The following CELA3B variants were observed in gnomAD, a reference collection of about 807,000 sequenced individuals.
CELA3B encodes the protein chymotrypsin like elastase 3B.
In CELA3B, 34 loss-of-function variants were observed where a neutral mutation model predicts 37.2. The observed-to-expected ratio is 0.91, with a 90% CI of 0.70 to 1.22. CELA3B has a LOEUF of 1.22. Ranked by LOEUF, CELA3B falls within the 50% of genes most tolerant of loss-of-function variation. The probability of loss-of-function intolerance (pLI) is 0.00; values close to 1 mark genes in which losing one functional copy is unlikely to be tolerated. For missense variants in CELA3B, 340 were observed against 363.1 expected (o/e 0.94, Z 0.52); for synonymous variants, 127 against 143.5 (o/e 0.89, Z 0.82).
intron 4 of CELA3B, among the ~76,000 whole-genome samples, chr1:21,995,940 C>T (rs908203326): frequency 1.3e-4 from 20 of 149,386 alleles, no homozygotes; most frequent in Non-Finnish European, 2.1e-4. Flanking sequence ...TCAGGCTGGG[C>T]GCAGTGGCTC....
chr1:21,978,286 G>A (rs557043924), intron 1 of CELA3B, 83 bp from the exon 2 acceptor site: 9 of 1,512,754 alleles, frequency 5.9e-6, no homozygotes, highest in Admixed American at 1.7e-5. Flanking sequence ...GCCACTTGAA[G>A]GCACGGCTTG....
At chr1:21,997,391 CAA>C (rs34063955) in intron 4 of CELA3B, among the ~76,000 whole-genome samples, 2 of 123,652 alleles carry the variant, frequency 1.6e-5, no homozygotes, top group Non-Finnish European at 1.6e-5. Context: ...AGACTCGTCT[CAA>C]AAAAAAAAAA....
At chr1:21,996,087 C>T (rs1644888998) in intron 4 of CELA3B, among the ~76,000 whole-genome samples, 1 of 151,166 alleles carries the variant, frequency 6.6e-6, no homozygotes, top group South Asian at 2.1e-4. Flanking sequence ...GTGGCACATG[C>T]CTGTAGTTCC....
exon 5 of CELA3B, chr1:21,998,165 C>T (rs764810802): frequency 3.4e-5 from 16 of 470,308 alleles, no homozygotes; most frequent in African/African-American, 1.0e-4. Flanking sequence ...TACAGGGCAA[C>T]AAGGCACCAG....
intron 2 of CELA3B, among the ~76,000 whole-genome samples, chr1:21,978,661 G>T (rs879838743): frequency 3.2e-4 from 48 of 151,462 alleles, no homozygotes; most frequent in East Asian, 1.6e-3. Flanking sequence ...CAACTTAAAA[G>T]TGGAATCGGG....
chr1:21,983,139 C>A (rs1358920791), intron 4 of CELA3B, among the ~76,000 whole-genome samples: 1 of 152,094 alleles, frequency 6.6e-6, no homozygotes, highest in Non-Finnish European at 1.5e-5. Flanking sequence ...CAGCTAAGGT[C>A]AGGAGTTCTA....
At chr1:21,996,076 G>T (rs758733234) in intron 4 of CELA3B, among the ~76,000 whole-genome samples, 6 of 151,116 alleles carry the variant, frequency 4.0e-5, no homozygotes, top group Non-Finnish European at 5.9e-5. Context: ...AGCCGGGCGT[G>T]GTGGCACATG....
chr1:21,978,444 G>A lies in CELA3B; in HGVS notation c.119G>A (p.Trp40Ter). 1 of 1,614,086 alleles carries A rather than the reference G, an allele frequency of 6.2e-7. No individual in the cohort carries two copies. Among genetic ancestry groups the A allele is most frequent in the Non-Finnish European group, 8.5e-7 (1 of 1,179,954 alleles). ...GGTGAGGATGCGGTCCCCTACAGCT[G>A]GCCCTGGCAGGTAAGAGCAATAGCA... Reference protein sequence around the residue: ...VNGEDAVPYSWPWQVSLQYEK... With the variant: ...VNGEDAVPYS Residue 40 changes from tryptophan (W) to a stop codon, truncating the protein, a stop_gained, in exon 2 of 8, where the codon TGG (tryptophan) becomes TAG (stop). Coordinates refer to ENST00000337107, the MANE Select transcript of CELA3B (RefSeq NM_007352.4). LOFTEE classifies it high-confidence loss of function.
chr1:21,982,674 T>G (rs1020788370), intron 4 of CELA3B, among the ~76,000 whole-genome samples: 5 of 151,802 alleles, frequency 3.3e-5, no homozygotes, highest in African/African-American at 1.2e-4. Context: ...AGTCTGTTTT[T>G]GTTTTGTTTT....
At chr1:21,988,614 G>A (rs12126775) in intron 7 of CELA3B, among the ~76,000 whole-genome samples, 5,130 of 141,688 alleles carry the variant, frequency 0.036, 3 homozygotes, top group African/African-American at 0.1. Flanking sequence ...AAAAAAAGCC[G>A]GGCATGGTGG....
At chr1:21,978,329 G>T (rs772540447) in intron 1 of CELA3B, 40 bp from the exon 2 acceptor site, 6 of 1,611,808 alleles carry the variant, frequency 3.7e-6, no homozygotes, top group South Asian at 3.3e-5. Flanking sequence ...TTGCTTTTGG[G>T]GACCCTCCCG....
In CELA3B at chr1:21,983,739, A is replaced by G. The variant is rs1255123303; in HGVS notation, c.408A>G (p.Gly136=). ...AGCTCTCACGCAGCGCCCAGCTGGG[A>G]GACGCCGTCCAGCTCGCCTCACTCC... ...LIKLSRSAQL[G]DAVQLASLPP... is the part of the protein sequence containing the mutation. The change falls in exon 5 of 8, where the codon GGA becomes GGG. Residue 136 remains glycine, a synonymous_variant. Coordinates refer to ENST00000337107, the MANE Select transcript of CELA3B (RefSeq NM_007352.4). 3 of 1,614,026 alleles carry G rather than the reference A, an allele frequency of 1.9e-6. No homozygotes were observed. The highest frequency in any genetic ancestry group is 2.5e-6 in the Non-Finnish European group (3 of 1,180,004).
At chr1:21,981,779 A>G (rs968866028) in intron 4 of CELA3B, among the ~76,000 whole-genome samples, 14 of 151,064 alleles carry the variant, frequency 9.3e-5, no homozygotes, top group Admixed American at 3.3e-4. Flanking sequence ...AGGCTGGAGT[A>G]CAGTGGCACG....
intron 5 of CELA3B, 48 bp from the exon 6 acceptor site, chr1:21,984,141 T>A (rs1178679293): frequency 6.3e-7 from 1 of 1,588,772 alleles, no homozygotes; most frequent in Non-Finnish European, 8.6e-7. Flanking sequence ...CTGGGGCTCC[T>A]AGCCCTGTGC....
intron 4 of CELA3B, 42 bp downstream of exon 4, chr1:21,981,214 T>G: frequency 6.2e-7 from 1 of 1,601,770 alleles, no homozygotes. Context: ...GCTCCTCTAC[T>G]CATCCCTCCA....
intron 7 of CELA3B, 67 bp from the exon 8 acceptor site, chr1:21,989,195 G>C (rs1286749340): frequency 1.3e-6 from 2 of 1,554,448 alleles, no homozygotes; most frequent in Non-Finnish European, 1.8e-6. Context: ...GTTGAACCCA[G>C]TTTCATCTGA....
exon 5 of CELA3B, chr1:21,998,180 C>T (rs191077646): frequency 2.1e-6 from 1 of 470,238 alleles, no homozygotes; most frequent in East Asian, 7.0e-5. Context: ...CACCAGAGTC[C>T]CGGACTTAGG....
At chr1:21,989,800 C>T (rs1644862469), downstream of CELA3B, among the ~76,000 whole-genome samples, 1 of 150,762 alleles carries the variant, frequency 6.6e-6, no homozygotes, top group Non-Finnish European at 1.5e-5. Flanking sequence ...AACACTTATT[C>T]CTTGTTTTAA....
At chr1:21,984,829 C>G (rs1196296890) in intron 6 of CELA3B, among the ~76,000 whole-genome samples, 1 of 151,832 alleles carries the variant, frequency 6.6e-6, no homozygotes, top group Non-Finnish European at 1.5e-5. Flanking sequence ...TGCCTGTAAT[C>G]CCAGTTATTT....
Sources: gnomAD v4.1 joint callset for allele counts (sites outside exome capture counted in the v4.1 genomes callset) on GRCh38, gnomAD v4.1.1 for gene constraint, MANE v1.5 for transcripts, NCBI Gene and HGNC (gene_info 2026-07-23, HGNC 2026-07-21) for gene names.